ASAP1: variants seen among roughly 807,000 people sequenced by gnomAD.
The protein encoded by ASAP1 is arf-GAP with SH3 domain, ANK repeat and PH domain-containing protein 1.
In ASAP1, 43 loss-of-function variants were observed where a neutral mutation model predicts 145.2. The ratio of observed to expected loss-of-function variants is 0.30; its 90% CI spans 0.23 to 0.38. The LOEUF (loss-of-function observed/expected upper bound fraction) is 0.38, where lower values mean the gene tolerates loss of function less well. Among genes scored for constraint, ASAP1 ranks in the 10% least tolerant of loss-of-function variants. The pLI is 1.00. For missense variants in ASAP1, 1,018 were observed against 1,355.3 expected, an observed-to-expected ratio of 0.75 and a Z score of 3.91; for synonymous variants, 546 against 515.5, an observed-to-expected ratio of 1.06 and a Z score of -0.80.
intron 2 of ASAP1, among the ~76,000 whole-genome samples, chr8:130,371,836 T>A (rs1672856486): frequency 6.6e-6 from 1 of 152,186 alleles, no homozygotes; most frequent in Admixed American, 6.5e-5. Flanking sequence ...CAAACAAACA[T>A]AATTGCTAAT....
At chr8:130,091,895 C>T in intron 25 of ASAP1, 78 bp downstream of exon 25, 4 of 1,410,062 alleles carry the variant, frequency 2.8e-6, no homozygotes, top group Non-Finnish European at 2.8e-6. Flanking sequence ...TCTGAATGTG[C>T]TAACAGGCCA....
chr8:130,057,573 C>T (rs6470797), intron 29 of ASAP1, among the ~76,000 whole-genome samples: 59,259 of 151,888 alleles, frequency 0.39, 12,014 homozygotes, highest in Admixed American at 0.47. Flanking sequence ...CTTGGCCTCC[C>T]GAGTAGCTGG....
chr8:130,052,337 T>C lies in ASAP1; in HGVS notation c.*2394A>G, dbSNP rs2097394533. ...CAATAAAAAAATAAATAGCAATTGC[T>C]GTTCAACAGTAAAATAAGACACACA... On this transcript the variant is annotated 3_prime_UTR_variant, in exon 30 of 30. Coordinates refer to ENST00000518721, the MANE Select transcript of ASAP1 (RefSeq NM_018482.4). 1 of 152,520 alleles carries C rather than the reference T, an allele frequency of 6.6e-6. No individual in the cohort carries two copies. Among genetic ancestry groups the C allele is most frequent in the Non-Finnish European group, 1.5e-5 (1 of 68,036 alleles). 9.4% of individuals were successfully genotyped at this position (152,520 alleles called of 1,614,324 possible). A position where few individuals can be genotyped will look rare whatever the true frequency, so the allele number is the denominator to read the frequency against.
At chr8:130,148,482 T>A (rs1005670886) in intron 13 of ASAP1, among the ~76,000 whole-genome samples, 1 of 152,220 alleles carries the variant, frequency 6.6e-6, no homozygotes, top group African/African-American at 2.4e-5. Context: ...ATGAAGATAG[T>A]GATGCCTATC....
intron 2 of ASAP1, among the ~76,000 whole-genome samples, chr8:130,384,642 G>A (rs1468738796): frequency 1.3e-5 from 2 of 152,080 alleles, no homozygotes; most frequent in Non-Finnish European, 2.9e-5. Flanking sequence ...CACCATGCCC[G>A]GCTAATGTTT....
intron 4 of ASAP1, among the ~76,000 whole-genome samples, chr8:130,223,882 G>A (rs184738029): frequency 7.9e-5 from 12 of 152,064 alleles, no homozygotes; most frequent in African/African-American, 2.7e-4. Flanking sequence ...CTTCATGAAC[G>A]AAGAAAAATC....
intron 3 of ASAP1, among the ~76,000 whole-genome samples, chr8:130,306,016 T>C (rs1048879010): frequency 6.6e-5 from 10 of 152,234 alleles, no homozygotes; most frequent in Non-Finnish European, 1.5e-5. Context: ...GGGCAAGTCA[T>C]GACTTGTTAT....
chr8:130,134,185 G>C, intron 15 of ASAP1, 111 bp downstream of exon 15: 2 of 750,502 alleles, frequency 2.7e-6, no homozygotes, highest in Non-Finnish European at 4.2e-6. Context: ...AAGAAGCATG[G>C]AGCCACCAGG....
chr8:130,104,641 TA>T, intron 24 of ASAP1, among the ~76,000 whole-genome samples: 1 of 152,356 alleles, frequency 6.6e-6, no homozygotes, highest in African/African-American at 2.4e-5. Context: ...ACAGAAAGTA[TA>T]AAAACGGCCT....
At position 130,096,637 on chromosome 8, in the gene ASAP1, C is replaced by T. The variant is rs115349015; in HGVS notation, c.2402-4494G>A. On this transcript the variant is annotated intron_variant, in intron 24 of 29. Transcript: ENST00000518721. ...AGATCTTCTAAGAGGAAGTAGAGTA[C>T]ACCTCATTCTTCCTGAGGGTTTACA... Among the ~76,000 whole-genome samples, 336 of 152,282 alleles carry T rather than the reference C, an allele frequency of 2.2e-3. 2 individuals are homozygous for T. The highest frequency in any genetic ancestry group is 7.5e-3 in the African/African-American group (313 of 41,552).
chr8:130,293,424 G>A (rs531561577), intron 3 of ASAP1, among the ~76,000 whole-genome samples: 2 of 152,256 alleles, frequency 1.3e-5, no homozygotes, highest in East Asian at 1.9e-4. Flanking sequence ...AACATCCATC[G>A]CTCATGCCCC....
At chr8:130,268,195 G>T (rs1378134940) in intron 3 of ASAP1, among the ~76,000 whole-genome samples, 1 of 152,044 alleles carries the variant, frequency 6.6e-6, no homozygotes, top group Non-Finnish European at 1.5e-5. Context: ...CTCAAAATAA[G>T]ACTGTATAGG....
chr8:130,292,008 T>A (rs970963272), intron 3 of ASAP1, among the ~76,000 whole-genome samples: 11 of 152,196 alleles, frequency 7.2e-5, no homozygotes, highest in Admixed American at 7.2e-4. Flanking sequence ...TTCTTTAAAA[T>A]GCTTTCCTAA....
intron 13 of ASAP1, among the ~76,000 whole-genome samples, chr8:130,139,852 A>G (rs1565006766): frequency 6.6e-6 from 1 of 151,010 alleles, no homozygotes; most frequent in Non-Finnish European, 1.5e-5. Context: ...TAATTCTCCC[A>G]AAATCTAGAT....
intron 4 of ASAP1, among the ~76,000 whole-genome samples, chr8:130,228,950 T>C (rs1817749296): frequency 6.6e-6 from 1 of 152,074 alleles, no homozygotes; most frequent in Non-Finnish European, 1.5e-5. Flanking sequence ...CCAGCACCCA[T>C]ACAGCTCTCC....
chr8:130,154,960 G>A (rs532159296), intron 12 of ASAP1, among the ~76,000 whole-genome samples: 1 of 152,142 alleles, frequency 6.6e-6, no homozygotes, highest in African/African-American at 2.4e-5. Context: ...TGGTTAACGT[G>A]ACTAACTCTC....
intron 2 of ASAP1, among the ~76,000 whole-genome samples, chr8:130,397,104 TATTC>T (rs199838935): frequency 6.6e-6 from 1 of 152,122 alleles, no homozygotes; most frequent in Admixed American, 6.5e-5. Context: ...ACTGTGATTT[TATTC>T]ATTCATTCAT....
intron 23 of ASAP1, among the ~76,000 whole-genome samples, chr8:130,114,501 G>C (rs1056226609): frequency 1.3e-5 from 2 of 152,192 alleles, no homozygotes; most frequent in Admixed American, 6.5e-5. Context: ...GAAGGCCTAG[G>C]ACATTACTGT....
intron 24 of ASAP1, among the ~76,000 whole-genome samples, chr8:130,092,967 T>C (rs916323079): frequency 6.6e-6 from 1 of 151,260 alleles, no homozygotes; most frequent in Non-Finnish European, 1.5e-5. Context: ...ATTAAGGCTT[T>C]TCTAAATAAT....
Sources: gnomAD v4.1 joint callset for allele counts (sites outside exome capture counted in the v4.1 genomes callset) on GRCh38, gnomAD v4.1.1 for gene constraint, MANE v1.5 for transcripts, NCBI Gene and HGNC (gene_info 2026-07-23, HGNC 2026-07-21) for gene names.